NFIB: variants seen among roughly 807,000 people sequenced by gnomAD.
The protein encoded by NFIB is nuclear factor 1 B-type.
Under a neutral mutation model 61.5 loss-of-function variants are expected in NFIB, and 11 were observed. That is an observed-to-expected ratio of 0.18 (90% CI 0.11 to 0.30). The LOEUF (loss-of-function observed/expected upper bound fraction) is 0.30, where lower values mean the gene tolerates loss of function less well. Among genes scored for constraint, NFIB ranks in the 10% least tolerant of loss-of-function variants. The probability of loss-of-function intolerance (pLI) is 1.00; values close to 1 mark genes in which losing one functional copy is unlikely to be tolerated. For synonymous variants in NFIB, 260 were observed against 216.5 expected (o/e 1.20, Z -1.76); for missense variants, 471 against 608.9 (o/e 0.77, Z 2.38).
intron 1 of NFIB, among the ~76,000 whole-genome samples, chr9:14,355,652 T>G (rs1259386348): frequency 1.3e-5 from 2 of 152,206 alleles, no homozygotes; most frequent in Non-Finnish European, 2.9e-5. Flanking sequence ...TGCCCCACGT[T>G]GGCTTAAATA....
chr9:14,277,964 T>C (rs2058113866), intron 2 of NFIB, among the ~76,000 whole-genome samples: 1 of 152,186 alleles, frequency 6.6e-6, no homozygotes, highest in Non-Finnish European at 1.5e-5. Flanking sequence ...CACAAAGATG[T>C]TTCTGTCTCC....
At chr9:14,211,861 T>C (rs2050343988) in intron 2 of NFIB, among the ~76,000 whole-genome samples, 1 of 152,236 alleles carries the variant, frequency 6.6e-6, no homozygotes, top group Non-Finnish European at 1.5e-5. Flanking sequence ...AGGTATACAC[T>C]TTAGAAAGCT....
chr9:14,361,782 A>C (rs2061244241), intron 1 of NFIB: 1 of 152,204 alleles, frequency 6.6e-6, no homozygotes, highest in Admixed American at 6.5e-5. Context: ...GCCTAAAATA[A>C]AACTTGGGAA....
At chr9:14,321,197 G>C (rs2060650733) in intron 1 of NFIB, among the ~76,000 whole-genome samples, 1 of 152,040 alleles carries the variant, frequency 6.6e-6, no homozygotes, top group Non-Finnish European at 1.5e-5. Flanking sequence ...CAGACGTATT[G>C]GGGAAAAGAA....
At chr9:14,423,589 C>T in the NFIB span, among the ~76,000 whole-genome samples, 2 of 152,326 alleles carry the variant, frequency 1.3e-5, no homozygotes, top group South Asian at 4.2e-4. Flanking sequence ...TAGTTTTCTC[C>T]TGCCATTTCC....
At chr9:14,352,158 A>T (rs893557433) in intron 1 of NFIB, among the ~76,000 whole-genome samples, 1 of 152,216 alleles carries the variant, frequency 6.6e-6, no homozygotes, top group African/African-American at 2.4e-5. Flanking sequence ...TCATAAAAGG[A>T]ACACATGCGT....
the NFIB span, among the ~76,000 whole-genome samples, chr9:14,451,756 T>A: frequency 6.6e-6 from 1 of 152,232 alleles, no homozygotes; most frequent in Non-Finnish European, 1.5e-5. Flanking sequence ...CTAATGGGAA[T>A]ATTTCTGTTG....
chr9:14,313,615 TC>T lies in NFIB; in HGVS notation c.-105del. On this transcript the variant is annotated 5_prime_UTR_variant, in exon 1 of 11. Coordinates refer to ENST00000380953, the MANE Select transcript of NFIB (RefSeq NM_001190737.2). The surrounding 1 kb of genome is among the most constrained non-coding windows in gnomAD (Gnocchi z 4.5). ...CAGTCATCTGAGCCCCGCGATGCGA[TC>T]AATCAGGACGGGGCTCTGCGCTGGA... The T allele has an allele frequency of 2.5e-6, 4 of 1,600,824 alleles. No homozygotes were observed. The highest frequency in any genetic ancestry group is 2.6e-6 in the Non-Finnish European group (3 of 1,173,476).
At chr9:14,395,398 T>C (rs370700457) in intron 1 of NFIB, among the ~76,000 whole-genome samples, 3 of 151,330 alleles carry the variant, frequency 2.0e-5, no homozygotes, top group African/African-American at 4.9e-5. Context: ...ATAGTAGTGA[T>C]TGGGGGTTGG....
rs1344346703 is a variant in NFIB, at chr9:14,085,143, G to C, written c.*3166C>G. ...GAACTTGCACTGCTAGGATCCCGCT[G>C]TGCTGTTCAGCATTTGGGCTATCAA... is the stretch of plus-strand genomic sequence containing the variant. On this transcript the variant is annotated 3_prime_UTR_variant, in exon 11 of 11. Transcript: ENST00000380953. 1 of 229,626 alleles carries C rather than the reference G, an allele frequency of 4.4e-6. No homozygotes were observed. The highest frequency in any genetic ancestry group is 8.6e-6 in the Non-Finnish European group (1 of 115,926). The allele number at this position is 229,626 out of a possible 1,614,324, so 14.2% of individuals were successfully genotyped here.
At chr9:14,493,146 T>C in the NFIB span, among the ~76,000 whole-genome samples, 1 of 152,204 alleles carries the variant, frequency 6.6e-6, no homozygotes, top group East Asian at 1.9e-4. Flanking sequence ...AGCACAGATG[T>C]TCACAAGGCA....
chr9:14,314,325 C>CCGCA (rs1392593696), upstream of NFIB: 1 of 172,576 alleles, frequency 5.8e-6, no homozygotes, highest in East Asian at 1.9e-4. Context: ...CGGCGCCCGG[C>CCGCA]CGCCCGCCCG....
intron 3 of NFIB, among the ~76,000 whole-genome samples, chr9:14,166,725 T>A (rs1421909075): frequency 6.6e-6 from 1 of 152,186 alleles, no homozygotes; most frequent in Admixed American, 6.5e-5. Context: ...CCTTTTCTCA[T>A]CATCTTAACC....
At chr9:14,323,827 A>AC (rs1325215272) in intron 1 of NFIB, among the ~76,000 whole-genome samples, 1 of 152,248 alleles carries the variant, frequency 6.6e-6, no homozygotes. Flanking sequence ...TACCAAAAAA[A>AC]AGTTTTTTCC....
intron 1 of NFIB, among the ~76,000 whole-genome samples, chr9:14,372,866 A>G (rs2061374100): frequency 6.6e-6 from 1 of 152,214 alleles, no homozygotes; most frequent in African/African-American, 2.4e-5. Flanking sequence ...AGAAGAATAA[A>G]AAAAGTTAAA....
In NFIB at chr9:14,087,577, T is replaced by C. The variant is rs1056584963; in HGVS notation, c.*732A>G. On this transcript the variant is annotated 3_prime_UTR_variant, in exon 11 of 11. Coordinates refer to ENST00000380953, the MANE Select transcript of NFIB (RefSeq NM_001190737.2). ...ACTGTTTTTTTCCTTTTTTCTTTTT[T>C]TCCTTTTTTTTTCATTTTTTCTTTT... The C allele has an allele frequency of 4.4e-5, 10 of 227,580 alleles. No homozygotes were observed. Among genetic ancestry groups the C allele is most frequent in the African/African-American group, 2.2e-4 (10 of 44,984 alleles). The allele number at this position is 227,580 out of a possible 1,614,324, so 14.1% of individuals were successfully genotyped here. A position where few individuals can be genotyped will look rare whatever the true frequency, so the allele number is the denominator to read the frequency against.
chr9:14,217,710 T>C (rs1238442317), intron 2 of NFIB, among the ~76,000 whole-genome samples: 2 of 145,362 alleles, frequency 1.4e-5, no homozygotes, highest in African/African-American at 2.6e-5. Context: ...TCTAAATTTA[T>C]ATTATTTTGG....
intron 1 of NFIB, among the ~76,000 whole-genome samples, chr9:14,365,942 T>A (rs2061294971): frequency 6.6e-6 from 1 of 152,156 alleles, no homozygotes. Context: ...GAGAGCCAGA[T>A]GTGGGCTTAG....
chr9:14,325,929 G>A (rs1385970358), intron 1 of NFIB, among the ~76,000 whole-genome samples: 3 of 152,124 alleles, frequency 2.0e-5, no homozygotes, highest in South Asian at 2.1e-4. Context: ...AATTTAAAAT[G>A]CATATTGTAT....
Sources: gnomAD v4.1 joint callset for allele counts (sites outside exome capture counted in the v4.1 genomes callset) on GRCh38, gnomAD v4.1.1 for gene constraint, Gnocchi (gnomAD v3.1) non-coding constraint, MANE v1.5 for transcripts, NCBI Gene and HGNC (gene_info 2026-07-23, HGNC 2026-07-21) for gene names.